BRD4: variants seen among roughly 807,000 people sequenced by gnomAD.
The protein encoded by BRD4 is bromodomain-containing protein 4.
A neutral mutation model predicts 142.1 loss-of-function variants in BRD4; 16 were observed. That is an observed-to-expected ratio of 0.11 (90% CI 0.08 to 0.17). The LOEUF is 0.17. Among genes scored for constraint, BRD4 ranks in the 10% least tolerant of loss-of-function variants. The pLI is 1.00. For missense variants in BRD4, 1,424 were observed against 1,810.9 expected (o/e 0.79, Z 3.88); for synonymous variants, 833 against 707.5 (o/e 1.18, Z -2.82).
intron 11 of BRD4, among the ~76,000 whole-genome samples, chr19:15,245,586 G>A (rs186739718): frequency 7.7e-4 from 118 of 152,280 alleles, no homozygotes; most frequent in African/African-American, 2.8e-3. Context: ...AGGTGTACTC[G>A]AGAGCCAGCG....
Position 15,258,950 on chromosome 19 carries a change from C to T in BRD4, c.1342-1777G>A, listed in dbSNP as rs1165424550. On this transcript the variant is annotated intron_variant, in intron 7 of 19. Transcript: ENST00000679869. ...CAGGTCTGAGACAAGGAAGAAGATA[C>T]ACAACAAGGGACGACCAGAGGCCAT... 2.0e-5 allele frequency among the ~76,000 whole-genome samples: 3 copies of T among 152,348 alleles called. No individual in the cohort carries two copies. In the East Asian group the frequency reaches 5.8e-4, roughly 29 times the overall value.
At chr19:15,252,553 G>A (rs1430888827) in intron 11 of BRD4, among the ~76,000 whole-genome samples, 2 of 152,236 alleles carry the variant, frequency 1.3e-5, no homozygotes, top group Admixed American at 6.5e-5. Flanking sequence ...ACTCTGCTGC[G>A]AGTGGGGGCC....
intron 1 of BRD4, among the ~76,000 whole-genome samples, chr19:15,300,849 C>G (rs1021460124): frequency 2.0e-5 from 3 of 152,200 alleles, no homozygotes; most frequent in Non-Finnish European, 4.4e-5. Context: ...AAAAATGATG[C>G]AACCCTCCAG....
intron 5 of BRD4, among the ~76,000 whole-genome samples, chr19:15,265,148 G>A (rs911341796): frequency 2.6e-5 from 4 of 152,232 alleles, no homozygotes; most frequent in Admixed American, 1.3e-4. Context: ...GCAGGGGGCA[G>A]GAACCCACTA....
chr19:15,239,560 AC>A lies in BRD4; in HGVS notation c.3446-39del. The stretch of plus-strand genomic sequence containing the variant: ...CAGCCGGTGGGCCCTGGCCCACCTC[AC>A]CCCAGTGGGGCATGGTCCACCAGCC... On this transcript the variant is annotated intron_variant, in intron 16 of 19. Transcript: ENST00000679869. The surrounding 1 kb of genome is among the most constrained non-coding windows in gnomAD (Gnocchi z 7.4). 1 of 1,581,472 alleles carries A rather than the reference AC, an allele frequency of 6.3e-7. No homozygotes were observed. The highest frequency in any genetic ancestry group is 8.6e-7 in the Non-Finnish European group (1 of 1,167,228).
At chr19:15,318,980 A>T (rs181964376) in intron 1 of BRD4, among the ~76,000 whole-genome samples, 1 of 152,322 alleles carries the variant, frequency 6.6e-6, no homozygotes, top group Admixed American at 6.5e-5. Context: ...ACAAACCAAA[A>T]TGGGTGATCC....
intron 1 of BRD4, among the ~76,000 whole-genome samples, chr19:15,322,810 T>G (rs1234591885): frequency 7.1e-6 from 1 of 140,572 alleles, no homozygotes; most frequent in Non-Finnish European, 1.5e-5. Context: ...GAGCTTGCAG[T>G]GAGCTGAGAC....
chr19:15,298,035 T>C (rs2047837993), intron 1 of BRD4, among the ~76,000 whole-genome samples: 1 of 152,236 alleles, frequency 6.6e-6, no homozygotes, highest in African/African-American at 2.4e-5. Flanking sequence ...CACAAGATGA[T>C]GGCCTGCCTC....
intron 13 of BRD4, 77 bp from the exon 14 acceptor site, chr19:15,243,564 C>T: frequency 6.9e-7 from 1 of 1,448,844 alleles, no homozygotes; most frequent in Non-Finnish European, 9.1e-7. Context: ...CCATCCTGAC[C>T]TCATCTGGAC....
intron 1 of BRD4, among the ~76,000 whole-genome samples, chr19:15,287,318 C>A (rs984043459): frequency 7.2e-5 from 11 of 151,888 alleles, no homozygotes; most frequent in Admixed American, 2.0e-4. Flanking sequence ...ATAAAACTTA[C>A]CACTTTAACC....
rs927726574 is a variant in BRD4 at position 15,307,912 on chromosome 19, C to T, written c.-35+24378G>A. Among the ~76,000 whole-genome samples, 21 of 150,328 alleles carry T rather than the reference C, an allele frequency of 1.4e-4. 1 individual carries two copies. The highest frequency in any genetic ancestry group is 4.7e-4 in the African/African-American group (19 of 40,856). ...GGCGGATCGCTTGAGGCCGGGAGTT[C>T]GAGACCAGCCTGGCCAACAAGGCAA... is the stretch of plus-strand genomic sequence containing the variant. On this transcript the variant is annotated intron_variant, in intron 1 of 19. Coordinates refer to ENST00000679869, the MANE Select transcript of BRD4 (RefSeq NM_001379291.1).
intron 1 of BRD4, among the ~76,000 whole-genome samples, chr19:15,331,140 TAAACAAGC>T (rs138338960): frequency 2.0e-5 from 3 of 151,822 alleles, no homozygotes; most frequent in Non-Finnish European, 4.4e-5. Context: ...CGTAAACAAG[TAAACAAGC>T]AAATAAAAAT....
chr19:15,280,217 A>G, intron 1 of BRD4: 1 of 1,000,058 alleles, frequency 1.0e-6, no homozygotes, highest in Non-Finnish European at 1.2e-6. Flanking sequence ...CGTCATTTGG[A>G]ACAGTGTGTG....
chr19:15,251,932 A>T (rs113033778), intron 11 of BRD4, among the ~76,000 whole-genome samples: 2 of 152,212 alleles, frequency 1.3e-5, no homozygotes, highest in Non-Finnish European at 2.9e-5. Context: ...ATGAGCGGCC[A>T]GGGCTGGACC....
At position 15,242,884 on chromosome 19, in the gene BRD4, G is replaced by C; in HGVS notation, c.3169+16C>G. ...AGCACCAGCCTCCCCAGAGTCTACG[G>C]GTGAGGACCACTTACCGGTTGAGTA... On this transcript the variant is annotated intron_variant, in intron 14 of 19. Coordinates refer to ENST00000679869, the MANE Select transcript of BRD4 (RefSeq NM_001379291.1). The C allele has an allele frequency of 6.3e-7, 1 of 1,599,180 alleles. No homozygotes were observed. The highest frequency in any genetic ancestry group is 1.1e-5 in the South Asian group (1 of 88,208).
At chr19:15,298,565 G>T (rs2047842043) in intron 1 of BRD4, among the ~76,000 whole-genome samples, 1 of 132,270 alleles carries the variant, frequency 7.6e-6, no homozygotes, top group Admixed American at 8.6e-5. Context: ...CGGTTGCAGT[G>T]AGCAGAGATT....
At position 15,239,350 on chromosome 19, in the gene BRD4, A is replaced by G; in HGVS notation, c.3576+42T>C. 1.2e-6 allele frequency: 2 copies of G among 1,614,098 alleles called. No homozygotes were observed. Among genetic ancestry groups the G allele is most frequent in the Non-Finnish European group, 1.7e-6 (2 of 1,180,012 alleles). On this transcript the variant is annotated intron_variant, in intron 17 of 19. Coordinates refer to ENST00000679869, the MANE Select transcript of BRD4 (RefSeq NM_001379291.1). This position sits in a 1 kb window ranked among gnomAD's most constrained non-coding sequence, Gnocchi z 7.4. ...GGGTGTGCCCAGCATGGCACCTTCC[A>G]GGGCCAAGGGGCAAGCGACACCCAT...
chr19:15,245,102 G>C (rs2145519275), intron 11 of BRD4: 2 of 387,584 alleles, frequency 5.2e-6, no homozygotes, highest in South Asian at 5.6e-5. Flanking sequence ...GTGACTGAGT[G>C]CATGGCCTGG....
rs750431329 is a variant in BRD4 at position 15,265,657 on chromosome 19, T to G, written c.560-14A>C. On this transcript the variant is annotated splice_polypyrimidine_tract_variant and intron_variant, in intron 4 of 19. Transcript: ENST00000679869. ...GTTTTGCTGTCCCTACAAATCATAA[T>G]AAGACGGCGAGTTAGAGACCATGCT... 11 of 1,613,916 alleles carry G rather than the reference T, an allele frequency of 6.8e-6. No individual in the cohort carries two copies. Among genetic ancestry groups the G allele is most frequent in the Middle Eastern group, 1.6e-4 (1 of 6,078 alleles).
Sources: gnomAD v4.1 joint callset for allele counts (sites outside exome capture counted in the v4.1 genomes callset) on GRCh38, gnomAD v4.1.1 for gene constraint, Gnocchi (gnomAD v3.1) non-coding constraint, MANE v1.5 for transcripts, NCBI Gene and HGNC (gene_info 2026-07-23, HGNC 2026-07-21) for gene names.